The following PDGFD variants were observed in gnomAD, a reference collection of about 807,000 sequenced individuals.
PDGFD encodes the protein platelet derived growth factor D.
Under a neutral mutation model 44.7 loss-of-function variants are expected in PDGFD, and 30 were observed. That is an observed-to-expected ratio of 0.67 (90% CI 0.50 to 0.91). The LOEUF is 0.91. Ranked by LOEUF, PDGFD falls within the 40% of genes least tolerant of loss-of-function variation. The pLI is 0.00. For missense variants in PDGFD, 445 were observed against 457.8 expected (o/e 0.97, Z 0.25); for synonymous variants, 173 against 168.4 (o/e 1.03, Z -0.21).
At chr11:104,150,741 C>A (rs187694641) in intron 1 of PDGFD, among the ~76,000 whole-genome samples, 10 of 152,244 alleles carry the variant, frequency 6.6e-5, no homozygotes, top group Admixed American at 3.3e-4. Context: ...GTCACATAGC[C>A]ATCTCTTCTG....
intron 3 of PDGFD, among the ~76,000 whole-genome samples, chr11:103,992,574 G>A (rs1209807836): frequency 6.6e-6 from 1 of 152,172 alleles, no homozygotes; most frequent in African/African-American, 2.4e-5. Context: ...TTCAATCTAA[G>A]GTATGCTTTA....
chr11:104,061,871 A>G (rs953714235), intron 1 of PDGFD, among the ~76,000 whole-genome samples: 3 of 151,962 alleles, frequency 2.0e-5, no homozygotes, highest in African/African-American at 7.3e-5. Flanking sequence ...GCCTCCCAAA[A>G]TGTTGAGATT....
At chr11:103,988,295 T>C (rs894198867) in intron 3 of PDGFD, among the ~76,000 whole-genome samples, 8 of 151,798 alleles carry the variant, frequency 5.3e-5, no homozygotes, top group Non-Finnish European at 1.0e-4. Flanking sequence ...TTTTCAAGGA[T>C]AAAAGTTTAC....
At chr11:103,969,585 A>G (rs1375646549) in intron 3 of PDGFD, among the ~76,000 whole-genome samples, 1 of 150,144 alleles carries the variant, frequency 6.7e-6, no homozygotes, top group Non-Finnish European at 1.5e-5. Context: ...GGCTGTGTGA[A>G]AATAATATCT....
intron 5 of PDGFD, among the ~76,000 whole-genome samples, chr11:103,934,393 A>G (rs1380843277): frequency 6.6e-6 from 1 of 152,232 alleles, no homozygotes; most frequent in African/African-American, 2.4e-5. Context: ...AAGGAATAGA[A>G]GGCCATGCCC....
chr11:103,932,520 C>A (rs765861980), intron 5 of PDGFD, among the ~76,000 whole-genome samples: 1 of 152,174 alleles, frequency 6.6e-6, no homozygotes, highest in African/African-American at 2.4e-5. Context: ...TATTCAGGTG[C>A]TTCTCTTCTA....
intron 1 of PDGFD, among the ~76,000 whole-genome samples, chr11:104,061,636 G>T (rs1320768582): frequency 6.6e-6 from 1 of 152,190 alleles, no homozygotes; most frequent in Non-Finnish European, 1.5e-5. Context: ...CTTTGAGACA[G>T]TCTCTCTCTA....
chr11:104,154,068 C>A (rs899911821), intron 1 of PDGFD, among the ~76,000 whole-genome samples: 1 of 152,020 alleles, frequency 6.6e-6, no homozygotes, highest in South Asian at 2.1e-4. Flanking sequence ...GTGATAAATA[C>A]CCCTTTATTT....
intron 3 of PDGFD, among the ~76,000 whole-genome samples, chr11:103,956,281 C>T (rs923066125): frequency 6.6e-6 from 1 of 150,538 alleles, no homozygotes; most frequent in African/African-American, 2.5e-5. Flanking sequence ...TCTCATTGTT[C>T]AATTCCCATC....
At chr11:104,032,721 T>A (rs1305781524) in intron 1 of PDGFD, among the ~76,000 whole-genome samples, 1 of 151,558 alleles carries the variant, frequency 6.6e-6, no homozygotes, top group Non-Finnish European at 1.5e-5. Context: ...ATTAAAAAAA[T>A]AACTTTGGGG....
At chr11:103,949,026 C>T (rs1266603149) in intron 3 of PDGFD, among the ~76,000 whole-genome samples, 1 of 123,678 alleles carries the variant, frequency 8.1e-6, no homozygotes. Context: ...TTTTTGAGAC[C>T]GAGTCTCACT....
chr11:103,991,470 A>G (rs571671156), intron 3 of PDGFD, among the ~76,000 whole-genome samples: 1 of 152,352 alleles, frequency 6.6e-6, no homozygotes, highest in East Asian at 1.9e-4. Context: ...TACACAGCTA[A>G]GCAACTGATA....
At chr11:104,149,701 C>T (rs548537434) in intron 1 of PDGFD, among the ~76,000 whole-genome samples, 24 of 152,216 alleles carry the variant, frequency 1.6e-4, no homozygotes, top group African/African-American at 5.1e-4. Context: ...TTATTCATCC[C>T]AATTTCAACC....
chr11:103,909,861 T>A (rs762876417), intron 6 of PDGFD, 42 bp from the exon 7 acceptor site: 3 of 1,612,350 alleles, frequency 1.9e-6, no homozygotes, highest in Non-Finnish European at 2.5e-6. Context: ...GCCTTTGGAG[T>A]TCAACTCAGT....
chr11:104,089,446 T>C (rs1861179277), intron 1 of PDGFD, among the ~76,000 whole-genome samples: 1 of 152,188 alleles, frequency 6.6e-6, no homozygotes, highest in African/African-American at 2.4e-5. Flanking sequence ...TTACAAAGGA[T>C]TACACTGTTG....
At chr11:104,035,256 C>A (rs1860207218) in intron 1 of PDGFD, among the ~76,000 whole-genome samples, 1 of 152,144 alleles carries the variant, frequency 6.6e-6, no homozygotes, top group Non-Finnish European at 1.5e-5. Flanking sequence ...TTTTAGAGAC[C>A]CTCTGTGTTA....
chr11:104,036,954 G>C, intron 1 of PDGFD: 1 of 1,614,228 alleles, frequency 6.2e-7, no homozygotes, highest in East Asian at 2.2e-5. Flanking sequence ...CCGTCGAAGA[G>C]ATCCAGATCA....
chr11:104,032,651 T>C (rs940689818), intron 1 of PDGFD, among the ~76,000 whole-genome samples: 2 of 149,766 alleles, frequency 1.3e-5, no homozygotes, highest in African/African-American at 4.9e-5. Flanking sequence ...TGGATTTTTT[T>C]CTTTTTTTTT....
Position 103,996,256 on chromosome 11 carries a change from T to C in PDGFD, c.330-11A>G, listed in dbSNP as rs768416526. ...TCCACAAAATCATACCTAGAATCAA[T>C]TGGACATAATGAACAAGTTTTGATT... On this transcript the variant is annotated splice_polypyrimidine_tract_variant and intron_variant, in intron 2 of 6. Transcript: ENST00000393158. 1.9e-6 allele frequency: 3 copies of C among 1,594,160 alleles called. No homozygotes were observed. The highest frequency in any genetic ancestry group is 2.6e-6 in the Non-Finnish European group (3 of 1,170,174).
Sources: allele counts gnomAD v4.1 joint callset (sites outside exome capture counted in the v4.1 genomes callset), GRCh38; gene constraint gnomAD v4.1.1; transcripts MANE v1.5; gene names NCBI Gene and HGNC (gene_info 2026-07-23, HGNC 2026-07-21).